DACH2: variants seen among roughly 807,000 people sequenced by gnomAD.
DACH2 encodes the protein dachshund homolog 2.
A neutral mutation model predicts 35.8 loss-of-function variants in DACH2; 17 were observed. The ratio of observed to expected loss-of-function variants is 0.48; its 90% confidence interval spans 0.33 to 0.71. DACH2 has a LOEUF of 0.71. DACH2 is among the 30% of genes least tolerant of loss of function. The pLI is 0.02. For missense variants in DACH2, 469 were observed against 472.7 expected, an observed-to-expected ratio of 0.99 and a Z score of 0.07; for synonymous variants, 195 against 177.3, an observed-to-expected ratio of 1.10 and a Z score of -0.79.
intron 1 of DACH2, among the ~76,000 whole-genome samples, chrX:86,180,054 C>T (rs914832883): frequency 3.2e-4 from 34 of 105,440 alleles, no homozygotes; most frequent in Admixed American, 1.9e-3. Context: ...TATTTAGTTG[C>T]GGACATAATT....
At chrX:86,213,903 TATA>T (rs1219500333) in intron 1 of DACH2, among the ~76,000 whole-genome samples, 4 of 111,196 alleles carry the variant, frequency 3.6e-5, no homozygotes, top group Non-Finnish European at 5.7e-5. Context: ...TAACTGCTTA[TATA>T]ATAAGTATAT....
chrX:86,486,762 C>A (rs1248514178), intron 2 of DACH2, among the ~76,000 whole-genome samples: 2 of 112,066 alleles, frequency 1.8e-5, no homozygotes, highest in Non-Finnish European at 1.9e-5. Context: ...AGCAAGTTAG[C>A]CTCTCTGAGG....
intron 5 of DACH2, among the ~76,000 whole-genome samples, chrX:86,711,282 C>T (rs1280209179): frequency 9.0e-6 from 1 of 111,240 alleles, no homozygotes; most frequent in East Asian, 2.8e-4. Context: ...GAGGGTGAGG[C>T]AGGAGAATCG....
intron 7 of DACH2, among the ~76,000 whole-genome samples, chrX:86,788,276 G>A (rs190078659): frequency 6.3e-5 from 7 of 110,915 alleles, no homozygotes; most frequent in East Asian, 2.9e-4. Context: ...GGAAGCTGCT[G>A]ATCACCGGCT....
chrX:86,464,422 G>GA (rs1453297382), intron 2 of DACH2, among the ~76,000 whole-genome samples: 1 of 111,340 alleles, frequency 9.0e-6, no homozygotes, highest in African/African-American at 3.3e-5. Flanking sequence ...CACAGGAACA[G>GA]AAAACCAAAC....
chrX:86,498,144 CACTG>C (rs978891377), intron 2 of DACH2, among the ~76,000 whole-genome samples: 5 of 111,895 alleles, frequency 4.5e-5, no homozygotes, highest in Admixed American at 3.8e-4. Context: ...AGTATTCACT[CACTG>C]ACTGACTAAA....
chrX:86,742,694 TA>T, intron 7 of DACH2: 1 of 302,635 alleles, frequency 3.3e-6, no homozygotes. Flanking sequence ...GATAATGGAC[TA>T]ACCATCAAAA....
intron 1 of DACH2, among the ~76,000 whole-genome samples, chrX:86,178,937 A>T (rs1267786041): frequency 8.9e-6 from 1 of 111,908 alleles, no homozygotes; most frequent in East Asian, 2.8e-4. Context: ...TGCAACCAAG[A>T]CTAAATTAAC....
At chrX:86,322,191 G>T (rs2035028030) in intron 1 of DACH2, among the ~76,000 whole-genome samples, 1 of 111,259 alleles carries the variant, frequency 9.0e-6, no homozygotes, top group African/African-American at 3.3e-5. Context: ...TAAAATTAAG[G>T]ATCCTTTCCA....
chrX:86,792,130 G>A (rs931581998), intron 7 of DACH2, among the ~76,000 whole-genome samples: 2 of 111,338 alleles, frequency 1.8e-5, no homozygotes, highest in Non-Finnish European at 3.8e-5. Flanking sequence ...ATTTTGGCAG[G>A]CATGTTACAT....
At chrX:86,266,825 T>C (rs754573414) in intron 1 of DACH2, among the ~76,000 whole-genome samples, 1 of 108,216 alleles carries the variant, frequency 9.2e-6, no homozygotes, top group Non-Finnish European at 1.9e-5. Context: ...CAGTGCCATG[T>C]AACTATCAGT....
At chrX:86,687,808 C>T (rs1446218143) in intron 4 of DACH2, among the ~76,000 whole-genome samples, 1 of 109,221 alleles carries the variant, frequency 9.2e-6, no homozygotes, top group Admixed American at 9.8e-5. Flanking sequence ...AACCAAACAC[C>T]GCATGTTCTC....
chrX:86,825,963 TAA>T lies in DACH2; in HGVS notation c.1751-6142_1751-6141del, dbSNP rs747545959. The stretch of plus-strand genomic sequence containing the variant: ...ATACTTGCCTATTCTTCCTCATCAA[TAA>T]GTTAGATACATACTATCTGATAAGT... On this transcript the variant is annotated intron_variant, in intron 11 of 11. Transcript: ENST00000373125. Among the ~76,000 whole-genome samples, 9 of 112,076 alleles carry T rather than the reference TAA, an allele frequency of 8.0e-5. No individual in the cohort carries two copies. The South Asian group carries it at 3.4e-3, about 42-fold the overall frequency.
At chrX:86,190,744 A>T (rs1399244033) in intron 1 of DACH2, among the ~76,000 whole-genome samples, 5 of 111,442 alleles carry the variant, frequency 4.5e-5, no homozygotes, top group African/African-American at 6.5e-5. Context: ...CGGGAGTTCA[A>T]GACCAGCCTG....
At chrX:86,167,865 A>G (rs2030996355) in intron 1 of DACH2, among the ~76,000 whole-genome samples, 1 of 111,596 alleles carries the variant, frequency 9.0e-6, no homozygotes, top group South Asian at 3.6e-4. Flanking sequence ...TCTTCTTGAT[A>G]TTAATTTCTA....
intron 3 of DACH2, among the ~76,000 whole-genome samples, chrX:86,612,541 C>G (rs189519414): frequency 9.9e-5 from 11 of 111,575 alleles, no homozygotes; most frequent in African/African-American, 3.6e-4. Flanking sequence ...TGGGAAATTC[C>G]CTTCTGGCTA....
intron 2 of DACH2, among the ~76,000 whole-genome samples, chrX:86,393,396 T>C (rs2036232680): frequency 8.9e-6 from 1 of 112,327 alleles, no homozygotes; most frequent in Non-Finnish European, 1.9e-5. Flanking sequence ...GCTCAGCATG[T>C]TGTTTGAGAC....
intron 5 of DACH2, among the ~76,000 whole-genome samples, chrX:86,697,227 G>A (rs2041077506): frequency 9.0e-6 from 1 of 111,488 alleles, no homozygotes; most frequent in Non-Finnish European, 1.9e-5. Context: ...TAGTGCTCCT[G>A]TATAACAAAG....
At chrX:86,454,381 C>T (rs1051626575) in intron 2 of DACH2, among the ~76,000 whole-genome samples, 1 of 111,595 alleles carries the variant, frequency 9.0e-6, no homozygotes, top group Non-Finnish European at 1.9e-5. Context: ...TTCCAATTTG[C>T]TTCCATTCTC....
Sources: allele counts gnomAD v4.1 joint callset (sites outside exome capture counted in the v4.1 genomes callset), GRCh38; gene constraint gnomAD v4.1.1; transcripts MANE v1.5; gene names NCBI Gene and HGNC (gene_info 2026-07-23, HGNC 2026-07-21).